Variants in ATP2C1 observed in about 807,000 individuals in gnomAD.
The protein encoded by ATP2C1 is ATPase secretory pathway Ca2+ transporting 1.
In ATP2C1, 31 loss-of-function variants were observed where a neutral mutation model predicts 120.5. The observed-to-expected ratio is 0.26, with a 90% CI of 0.19 to 0.35. The LOEUF (loss-of-function observed/expected upper bound fraction) is 0.35. Among genes scored for constraint, ATP2C1 ranks in the 10% least tolerant of loss-of-function variants. The probability of loss-of-function intolerance (pLI) is 1.00; values close to 1 mark genes in which losing one functional copy is unlikely to be tolerated. For missense variants in ATP2C1, 731 were observed against 1,107.5 expected, an observed-to-expected ratio of 0.66 and a Z score of 4.83; for synonymous variants, 351 against 358.7, an observed-to-expected ratio of 0.98 and a Z score of 0.24.
intron 20 of ATP2C1, among the ~76,000 whole-genome samples, chr3:130,982,573 T>C (rs2061816171): frequency 6.6e-6 from 1 of 152,240 alleles, no homozygotes; most frequent in Admixed American, 6.5e-5. Context: ...TATGCACATC[T>C]ATTTGTATGT....
At chr3:130,915,251 G>A (rs1171200270) in intron 2 of ATP2C1, among the ~76,000 whole-genome samples, 1 of 151,880 alleles carries the variant, frequency 6.6e-6, no homozygotes, top group African/African-American at 2.4e-5. Context: ...CTGCCACTAC[G>A]TCCAGCTAAT....
In ATP2C1 at chr3:130,894,523, A is replaced by G; in HGVS notation, c.-180-67A>G. On this transcript the variant is annotated intron_variant, in intron 1 of 27. Coordinates refer to ENST00000510168, the MANE Select transcript of ATP2C1 (RefSeq NM_001378687.1). The surrounding 1 kb of genome is among the most constrained non-coding windows in gnomAD (Gnocchi z 4.5). ...TCTTGGGGAGGGGGGCTCCCGAGAT[A>G]GTGGCTGGGCGGGGAACTCCTTCCT... The G allele has an allele frequency of 7.2e-7, 1 of 1,386,266 alleles. No homozygotes were observed. The highest frequency in any genetic ancestry group is 9.3e-7 in the Non-Finnish European group (1 of 1,070,894). The allele number at this position is 1,386,266 out of a possible 1,614,324, so 85.9% of individuals were successfully genotyped here. A position where few individuals can be genotyped will look rare whatever the true frequency, so the allele number is the denominator to read the frequency against.
Position 130,923,864 on chromosome 3 carries a change from CAA to C in ATP2C1, c.7-6534_7-6533del, listed in dbSNP as rs59951169. Among the ~76,000 whole-genome samples the C allele has an allele frequency of 2.0e-3, 178 of 89,014 alleles. 1 individual carries two copies. Among genetic ancestry groups the C allele is most frequent in the Admixed American group, 2.7e-3 (21 of 7,810 alleles). The allele number at this position is 89,014 out of a possible 152,430, so 58.4% of individuals were successfully genotyped here. On this transcript the variant is annotated intron_variant, in intron 2 of 27. Transcript: ENST00000510168. ...TGGGTGATGAAGTGAGACTCTGTCT[CAA>C]AAAAAAAAAAAAAAAAAGGATAACT...
At chr3:130,892,603 G>T (rs2069219014), upstream of ATP2C1, among the ~76,000 whole-genome samples, 2 of 148,110 alleles carry the variant, frequency 1.4e-5, no homozygotes, top group South Asian at 4.2e-4. Context: ...CCACTTACTT[G>T]GGAACAAATA....
chr3:130,916,358 G>C (rs1290635968), intron 2 of ATP2C1, among the ~76,000 whole-genome samples: 14 of 152,144 alleles, frequency 9.2e-5, no homozygotes, highest in Non-Finnish European at 1.9e-4. Flanking sequence ...AGAGGTTGCA[G>C]TGAGCAGAGA....
chr3:130,934,599 T>A, intron 4 of ATP2C1, 23 bp from the exon 5 acceptor site: 2 of 1,497,886 alleles, frequency 1.3e-6, no homozygotes, highest in South Asian at 2.3e-5. Context: ...CTGTGTTGAA[T>A]TGCTGTTTGT....
At chr3:130,956,884 C>T (rs1276999278) in intron 11 of ATP2C1, among the ~76,000 whole-genome samples, 1 of 151,894 alleles carries the variant, frequency 6.6e-6, no homozygotes, top group Non-Finnish European at 1.5e-5. Flanking sequence ...TTCTTTTGTC[C>T]CTTTTCTTGT....
intron 1 of ATP2C1, among the ~76,000 whole-genome samples, chr3:130,887,999 G>A (rs1341215792): frequency 2.0e-5 from 3 of 152,138 alleles, no homozygotes; most frequent in African/African-American, 7.2e-5. Flanking sequence ...GCACTACCTG[G>A]GTATTGCGGC....
At chr3:130,913,435 C>T (rs1305795845) in intron 2 of ATP2C1, among the ~76,000 whole-genome samples, 1 of 152,094 alleles carries the variant, frequency 6.6e-6, no homozygotes, top group African/African-American at 2.4e-5. Flanking sequence ...GTTATTAATA[C>T]TACTGGCCCA....
At chr3:130,891,983 T>C (rs2069186475), upstream of ATP2C1, among the ~76,000 whole-genome samples, 1 of 152,224 alleles carries the variant, frequency 6.6e-6, no homozygotes, top group African/African-American at 2.4e-5. Context: ...ATCTTGATCT[T>C]ACCAGTTTCT....
rs145176420 is a variant in ATP2C1 at position 130,903,700 on chromosome 3, C to CCCTTTCCTTTCCTTT, written c.6+8948_6+8962dup. ...TTTCCCCTTTCCCATTTCCCCTTTC[C>CCCTTTCCTTTCCTTT]CCTTTCCTTTCCTTTCCTTTCCTTT... On this transcript the variant is annotated intron_variant, in intron 2 of 27. Transcript: ENST00000510168. Among the ~76,000 whole-genome samples the CCCTTTCCTTTCCTTT allele has an allele frequency of 5.5e-3, 758 of 138,608 alleles. 8 individuals carry two copies. Among genetic ancestry groups the CCCTTTCCTTTCCTTT allele is most frequent in the African/African-American group, 0.018 (663 of 35,960 alleles). 90.9% of individuals were successfully genotyped at this position (138,608 alleles called of 152,430 possible).
intron 8 of ATP2C1, among the ~76,000 whole-genome samples, chr3:130,946,191 A>G (rs1042421078): frequency 1.1e-4 from 17 of 152,210 alleles, no homozygotes; most frequent in African/African-American, 3.9e-4. Context: ...GGATTATCAG[A>G]CCATTTTAAT....
chr3:130,869,159 G>C (rs1170905682), intron 1 of ATP2C1: 2 of 114,864 alleles, frequency 1.7e-5, no homozygotes, highest in African/African-American at 6.7e-5. Flanking sequence ...CATGTGCTGT[G>C]TCCACTCAGG....
intron 2 of ATP2C1, among the ~76,000 whole-genome samples, chr3:130,923,199 T>G (rs989773705): frequency 2.6e-5 from 4 of 152,106 alleles, no homozygotes; most frequent in Admixed American, 2.6e-4. Context: ...CTAGTCCTTT[T>G]ATCGTTATAT....
chr3:130,972,327 G>A (rs181909523), intron 17 of ATP2C1, among the ~76,000 whole-genome samples: 1 of 152,234 alleles, frequency 6.6e-6, no homozygotes, highest in East Asian at 1.9e-4. Flanking sequence ...CCTGTCATAA[G>A]GGGCACCTTT....
At chr3:131,009,517 T>TA (rs1265733844) in intron 26 of ATP2C1, among the ~76,000 whole-genome samples, 1 of 152,238 alleles carries the variant, frequency 6.6e-6, no homozygotes, top group African/African-American at 2.4e-5. Context: ...TAGCTGGAAA[T>TA]ACTTCTTTCA....
At chr3:130,988,980 C>T (rs548581581) in intron 20 of ATP2C1, among the ~76,000 whole-genome samples, 60 of 152,224 alleles carry the variant, frequency 3.9e-4, no homozygotes, top group South Asian at 2.7e-3. Context: ...AGGCCGGGCA[C>T]GGTGGCTCAC....
At position 130,894,735 on chromosome 3, in the gene ATP2C1, T is replaced by C; in HGVS notation, c.-35T>C. 6.2e-7 allele frequency: 1 copy of C among 1,614,142 alleles called. No homozygotes were observed. The highest frequency in any genetic ancestry group is 8.5e-7 in the Non-Finnish European group (1 of 1,179,998). ...TGGCCGTGGCTGACACTAAAGACTTTGTAGCCATCAACCCGAGTGCAGTTT... is the reference window on the plus strand; with the variant it reads ...TGGCCGTGGCTGACACTAAAGACTTCGTAGCCATCAACCCGAGTGCAGTTT... On this transcript the variant is annotated 5_prime_UTR_variant, in exon 2 of 28. Coordinates refer to ENST00000510168, the MANE Select transcript of ATP2C1 (RefSeq NM_001378687.1). This position sits in a 1 kb window ranked among gnomAD's most constrained non-coding sequence, Gnocchi z 4.5.
intron 23 of ATP2C1, 93 bp downstream of exon 23, chr3:130,996,204 T>A: frequency 1.1e-6 from 1 of 940,020 alleles, no homozygotes; most frequent in South Asian, 1.3e-5. Context: ...TTCTCTGCCT[T>A]ATATTTGTGA....
Sources: allele counts gnomAD v4.1 joint callset (sites outside exome capture counted in the v4.1 genomes callset), GRCh38; gene constraint gnomAD v4.1.1; non-coding constraint Gnocchi (gnomAD v3.1); transcripts MANE v1.5; gene names NCBI Gene and HGNC (gene_info 2026-07-23, HGNC 2026-07-21).